The following PRKCB variants were observed in gnomAD, a reference collection of about 807,000 sequenced individuals.
PRKCB encodes the protein protein kinase C beta, also known as protein kinase C beta type.
PRKCB carries 13 observed loss-of-function variants against 81.5 expected under a neutral mutation model. The observed-to-expected ratio is 0.16, with a 90% CI of 0.10 to 0.25. The LOEUF (loss-of-function observed/expected upper bound fraction) is 0.25, where lower values mean the gene tolerates loss of function less well. PRKCB is among the 10% of genes least tolerant of loss of function. The probability of loss-of-function intolerance (pLI) is 1.00; values close to 1 mark genes in which losing one functional copy is unlikely to be tolerated. For missense variants in PRKCB, 509 were observed against 875.7 expected, an observed-to-expected ratio of 0.58 and a Z score of 5.29; for synonymous variants, 335 against 321.4, an observed-to-expected ratio of 1.04 and a Z score of -0.45.
chr16:23,900,245 C>T lies in PRKCB; in HGVS notation c.205+62839C>T, dbSNP rs541000489. On this transcript the variant is annotated intron_variant, in intron 2 of 16. Transcript: ENST00000643927. ...GAAACCTTGATCTAACTGCTTATGA[C>T]ATACCACTTCCATAAAGCCGAGAGA... 3.1e-4 allele frequency among the ~76,000 whole-genome samples: 47 copies of T among 152,276 alleles called. 1 individual carries two copies. The highest frequency in any genetic ancestry group is 1.0e-3 in the African/African-American group (43 of 41,534).
intron 2 of PRKCB, among the ~76,000 whole-genome samples, chr16:23,930,619 G>A (rs1053161029): frequency 6.6e-6 from 1 of 151,998 alleles, no homozygotes; most frequent in Non-Finnish European, 1.5e-5. Context: ...GACTTATCTG[G>A]AGATTCTAGG....
chr16:24,175,199 T>C (rs893663913), intron 12 of PRKCB, among the ~76,000 whole-genome samples: 3 of 152,076 alleles, frequency 2.0e-5, no homozygotes, highest in African/African-American at 4.8e-5. Context: ...TTGTACTACA[T>C]TGATGCAAAT....
chr16:24,166,752 GTGTT>G (rs1967353458), intron 10 of PRKCB, among the ~76,000 whole-genome samples: 1 of 152,202 alleles, frequency 6.6e-6, no homozygotes, highest in Non-Finnish European at 1.5e-5. Flanking sequence ...GCATCATTAA[GTGTT>G]TGTTCAGAAA....
chr16:23,996,473 A>G (rs1338810247), intron 3 of PRKCB, among the ~76,000 whole-genome samples: 2 of 152,174 alleles, frequency 1.3e-5, no homozygotes, highest in African/African-American at 4.8e-5. Flanking sequence ...CTGATATGGC[A>G]CCATGCCTAG....
chr16:24,018,367 T>C (rs1965313601), intron 3 of PRKCB, among the ~76,000 whole-genome samples: 1 of 152,220 alleles, frequency 6.6e-6, no homozygotes, highest in Non-Finnish European at 1.5e-5. Context: ...TTCTTAAATG[T>C]TCATCTTCAC....
At chr16:24,095,590 A>C (rs926054337) in intron 7 of PRKCB, among the ~76,000 whole-genome samples, 1 of 152,180 alleles carries the variant, frequency 6.6e-6, no homozygotes, top group African/African-American at 2.4e-5. Context: ...AAAGGCTGAT[A>C]ATAATCCATG....
At position 24,096,441 on chromosome 16, in the gene PRKCB, A is replaced by G. The variant is rs930229130; in HGVS notation, c.821+2144A>G. Among the ~76,000 whole-genome samples the G allele has an allele frequency of 4.0e-5, 6 of 151,858 alleles. No individual in the cohort carries two copies. In the South Asian group the frequency reaches 1.0e-3, roughly 26 times the overall value. On this transcript the variant is annotated intron_variant, in intron 7 of 16. Transcript: ENST00000643927. ...TTACAATTTCTGCAAAGACAGTTCC[A>G]TGACTGGCTCCATGGACACTAGAGT... is the stretch of plus-strand genomic sequence containing the variant.
At chr16:24,105,064 T>A (rs1033754615) in intron 7 of PRKCB, among the ~76,000 whole-genome samples, 1 of 151,794 alleles carries the variant, frequency 6.6e-6, no homozygotes, top group Admixed American at 6.6e-5. Context: ...GATTTTTTTT[T>A]TTTTATTTTT....
At chr16:23,958,212 G>A (rs1964375943) in intron 2 of PRKCB, among the ~76,000 whole-genome samples, 1 of 152,132 alleles carries the variant, frequency 6.6e-6, no homozygotes, top group South Asian at 2.1e-4. Context: ...GGGTGGTCTT[G>A]AACTCCTGAT....
intron 5 of PRKCB, among the ~76,000 whole-genome samples, chr16:24,041,277 C>A (rs1965694553): frequency 2.0e-5 from 3 of 152,106 alleles, no homozygotes. Context: ...TGGTCTCGAT[C>A]TCCTGACCTC....
At chr16:24,016,544 T>C (rs1289573934) in intron 3 of PRKCB, among the ~76,000 whole-genome samples, 1 of 152,080 alleles carries the variant, frequency 6.6e-6, no homozygotes, top group Non-Finnish European at 1.5e-5. Context: ...AAAATAAAGA[T>C]ATAAATGACA....
At chr16:23,892,522 C>T (rs1230819985) in intron 2 of PRKCB, among the ~76,000 whole-genome samples, 2 of 152,178 alleles carry the variant, frequency 1.3e-5, no homozygotes, top group African/African-American at 4.8e-5. Context: ...CATATTAATA[C>T]AAAACATTAA....
At chr16:23,982,259 T>TCCCTTC (rs1964745767) in intron 2 of PRKCB, among the ~76,000 whole-genome samples, 1 of 28,126 alleles carries the variant, frequency 3.6e-5, no homozygotes, top group African/African-American at 1.5e-4. Flanking sequence ...CCCTTCCCCT[T>TCCCTTC]CCCTTCCCTT....
chr16:23,961,413 T>C lies in PRKCB; in HGVS notation c.206-27095T>C, dbSNP rs144420514. On this transcript the variant is annotated intron_variant, in intron 2 of 16. Transcript: ENST00000643927. ...CAATCTGATTCTCTCTCCATCATGA[T>C]TCAGCTTTCCTCTGTATTGCTTGAT... Among the ~76,000 whole-genome samples the C allele has an allele frequency of 1.4e-3, 210 of 152,370 alleles. 1 individual carries two copies. Among genetic ancestry groups the C allele is most frequent in the African/African-American group, 4.8e-3 (201 of 41,592 alleles).
intron 3 of PRKCB, 150 bp from the exon 4 acceptor site, chr16:24,031,986 A>C (rs1025532194): frequency 1.8e-6 from 1 of 567,434 alleles, no homozygotes; most frequent in Non-Finnish European, 3.1e-6. Context: ...GTTTCTGGGC[A>C]CAGGGCTCCA....
chr16:23,958,064 T>C (rs55864714), intron 2 of PRKCB, among the ~76,000 whole-genome samples: 17,762 of 152,286 alleles, frequency 0.12, 1,203 homozygotes, highest in South Asian at 0.17. Flanking sequence ...CAATCTTGGC[T>C]CACTGCAACC....
chr16:24,125,915 T>C (rs183792804), intron 9 of PRKCB, among the ~76,000 whole-genome samples: 180 of 152,300 alleles, frequency 1.2e-3, no homozygotes, highest in African/African-American at 4.2e-3. Context: ...GAATAGGCAG[T>C]TGGCAGTGGT....
At chr16:23,965,649 A>T (rs181664657) in intron 2 of PRKCB, among the ~76,000 whole-genome samples, 201 of 152,362 alleles carry the variant, frequency 1.3e-3, no homozygotes, top group African/African-American at 4.6e-3. Context: ...CCTCATCAAA[A>T]TGCAACATCG....
At chr16:24,202,744 G>A (rs1967978744) in intron 16 of PRKCB, among the ~76,000 whole-genome samples, 1 of 152,174 alleles carries the variant, frequency 6.6e-6, no homozygotes, top group African/African-American at 2.4e-5. Flanking sequence ...CTTGGAGATT[G>A]TTTCTTATCT....
Sources: allele counts gnomAD v4.1 joint callset (sites outside exome capture counted in the v4.1 genomes callset), GRCh38; gene constraint gnomAD v4.1.1; transcripts MANE v1.5; gene names NCBI Gene and HGNC (gene_info 2026-07-23, HGNC 2026-07-21).